The following OR2T2 variants were observed in gnomAD, a reference collection of about 807,000 sequenced individuals.
OR2T2 encodes olfactory receptor 2T2.
For missense variants in OR2T2, 138 were observed against 409.1 expected (o/e 0.34, Z 5.72); for synonymous variants, 50 against 162.7 (o/e 0.31, Z 5.27).
At chr1:248,449,797 A>G (rs1294419850) in intron 2 of OR2T2, among the ~76,000 whole-genome samples, 1 of 102,592 alleles carries the variant, frequency 9.7e-6, no homozygotes, top group African/African-American at 5.1e-5. Flanking sequence ...GATCACGCAA[A>G]TAAAAGCTTT....
rs201426122 is a variant in OR2T2 at position 248,450,190 on chromosome 1, G to A, written c.-22-2586G>A. Reference sequence around the variant, plus strand: ...TGAAATGGGTGAATTGCTCGTTTGTGCCAAGCAGTGTAGTTCTGCTCTTTA... The same window carrying A: ...TGAAATGGGTGAATTGCTCGTTTGTACCAAGCAGTGTAGTTCTGCTCTTTA... On this transcript the variant is annotated intron_variant, in intron 2 of 2. Transcript: ENST00000642130. 3.8e-3 allele frequency among the ~76,000 whole-genome samples: 507 copies of A among 134,616 alleles called. 1 individual carries two copies. Among genetic ancestry groups the A allele is most frequent in the East Asian group, 0.021 (83 of 3,892 alleles). The allele number at this position is 134,616 out of a possible 152,430, so 88.3% of individuals were successfully genotyped here.
chr1:248,448,178 A>C (rs1468748465), intron 2 of OR2T2, among the ~76,000 whole-genome samples: 3 of 150,502 alleles, frequency 2.0e-5, no homozygotes, highest in African/African-American at 7.4e-5. Flanking sequence ...TTAACTAAAA[A>C]GGTGAAAGTT....
At chr1:248,447,965 A>ACCAC (rs1662706154) in intron 2 of OR2T2, among the ~76,000 whole-genome samples, 3 of 152,282 alleles carry the variant, frequency 2.0e-5, no homozygotes, top group Admixed American at 2.0e-4. Flanking sequence ...AGTGTGGTGG[A>ACCAC]AATATCATCC....
chr1:248,447,013 A>T (rs1662677183), intron 2 of OR2T2, among the ~76,000 whole-genome samples: 1 of 148,308 alleles, frequency 6.7e-6, no homozygotes, highest in East Asian at 1.9e-4. Context: ...GAGGGAAAGT[A>T]GACTACTTTT....
intron 2 of OR2T2, among the ~76,000 whole-genome samples, chr1:248,450,539 C>T (rs1161579329): frequency 2.0e-5 from 3 of 151,584 alleles, no homozygotes; most frequent in Non-Finnish European, 4.4e-5. Context: ...CTTTGAATAC[C>T]TTGTGGAGTC....
At position 248,450,379 on chromosome 1, in the gene OR2T2, TAA is replaced by T. The variant is rs1396368797; in HGVS notation, c.-22-2393_-22-2392del. Among the ~76,000 whole-genome samples the T allele has an allele frequency of 9.7e-3, 1,393 of 144,272 alleles. 24 individuals carry two copies. Among genetic ancestry groups the T allele is most frequent in the African/African-American group, 0.038 (1,324 of 34,646 alleles). The allele number at this position is 144,272 out of a possible 152,430, so 94.6% of individuals were successfully genotyped here. ...TTTTTTTAACACGGTCTCGGTTGTA[TAA>T]AAATGAGGTGGCTAAAATCATATCT... On this transcript the variant is annotated intron_variant, in intron 2 of 2. Transcript: ENST00000642130.
chr1:248,446,213 G>A (rs1363054048), intron 1 of OR2T2, among the ~76,000 whole-genome samples: 4 of 141,558 alleles, frequency 2.8e-5, no homozygotes, highest in Non-Finnish European at 4.5e-5. Flanking sequence ...AACCCATAAG[G>A]CATCCACGTG....
chr1:248,446,218 C>T (rs1001824218), intron 1 of OR2T2, among the ~76,000 whole-genome samples: 17 of 140,410 alleles, frequency 1.2e-4, no homozygotes, highest in Admixed American at 8.4e-4. Context: ...ATAAGGCATC[C>T]ACGTGTGCCT....
intron 1 of OR2T2, among the ~76,000 whole-genome samples, chr1:248,445,945 G>A (rs1458098193): frequency 6.9e-6 from 1 of 145,836 alleles, no homozygotes; most frequent in Non-Finnish European, 1.5e-5. Context: ...GAAGGAAAAT[G>A]GCATGTAAGA....
intron 2 of OR2T2, among the ~76,000 whole-genome samples, chr1:248,447,741 GAT>G: frequency 6.6e-6 from 1 of 152,278 alleles, no homozygotes; most frequent in South Asian, 2.1e-4. Flanking sequence ...TGATCACTTA[GAT>G]GCTCTTTAAA....
intron 2 of OR2T2, among the ~76,000 whole-genome samples, chr1:248,449,704 G>A (rs1662745871): frequency 7.9e-6 from 1 of 126,046 alleles, no homozygotes; most frequent in Non-Finnish European, 1.6e-5. Flanking sequence ...GTTATAACTG[G>A]TCCTGGGGGT....
chr1:248,447,287 CTG>C (rs1457796439), intron 2 of OR2T2, among the ~76,000 whole-genome samples: 1 of 151,266 alleles, frequency 6.6e-6, no homozygotes, highest in Admixed American at 6.6e-5. Context: ...CCAAAGCCCA[CTG>C]TGGCTATGAA....
At chr1:248,450,076 C>A (rs868129533) in intron 2 of OR2T2, among the ~76,000 whole-genome samples, 1,578 of 147,892 alleles carry the variant, frequency 0.011, 3 homozygotes, top group African/African-American at 0.039. Flanking sequence ...AGATATTTTC[C>A]CTGTCTACTT....
exon 3 of OR2T2, chr1:248,453,714 T>A: frequency 6.3e-7 from 1 of 1,590,392 alleles, no homozygotes. Context: ...AGGAAAGTAC[T>A]AGGGAGATGT....
chr1:248,453,755 G>A (rs529583971), exon 3 of OR2T2: 14 of 1,584,300 alleles, frequency 8.8e-6, no homozygotes, highest in Non-Finnish European at 1.1e-5. Context: ...GGTGGCGACT[G>A]TGATCAGGAA....
chr1:248,446,471 C>G (rs1305741529), intron 1 of OR2T2, 118 bp from the exon 2 acceptor site: 2 of 144,790 alleles, frequency 1.4e-5, no homozygotes, highest in Non-Finnish European at 1.5e-5. Flanking sequence ...CCCTTACTCT[C>G]CATTTCCTCT....
At chr1:248,447,741 G>C (rs1662698737) in intron 2 of OR2T2, among the ~76,000 whole-genome samples, 2 of 152,164 alleles carry the variant, frequency 1.3e-5, no homozygotes, top group African/African-American at 4.8e-5. Context: ...TGATCACTTA[G>C]ATGCTCTTTA....
intron 2 of OR2T2, among the ~76,000 whole-genome samples, chr1:248,450,704 T>C (rs1234499506): frequency 1.3e-5 from 2 of 152,034 alleles, no homozygotes; most frequent in African/African-American, 4.8e-5. Flanking sequence ...CCTAACACTA[T>C]AGTAATTAAT....
At chr1:248,448,376 C>CTCTTA (rs1662718845) in intron 2 of OR2T2, among the ~76,000 whole-genome samples, 1 of 113,716 alleles carries the variant, frequency 8.8e-6, no homozygotes, top group Non-Finnish European at 1.7e-5. Context: ...TCTTACTGTG[C>CTCTTA]CTAACTTATA....
Sources: gnomAD v4.1 joint callset for allele counts (sites outside exome capture counted in the v4.1 genomes callset) on GRCh38, gnomAD v4.1.1 for gene constraint, MANE v1.5 for transcripts, NCBI Gene and HGNC (gene_info 2026-07-23, HGNC 2026-07-21) for gene names.